Variants in ZNF710 observed in about 807,000 individuals in gnomAD.
The protein encoded by ZNF710 is zinc finger protein 710.
In ZNF710, 13 loss-of-function variants were observed where a neutral mutation model predicts 50.6. The ratio of observed to expected loss-of-function variants is 0.26; its 90% CI spans 0.17 to 0.41. The LOEUF (loss-of-function observed/expected upper bound fraction) is 0.41, where lower values mean the gene tolerates loss of function less well. Among genes scored for constraint, ZNF710 ranks in the 10% least tolerant of loss-of-function variants. ZNF710 has a pLI of 1.00. For missense variants in ZNF710, 721 were observed against 936.6 expected (o/e 0.77, Z 3.01); for synonymous variants, 383 against 397.0 (o/e 0.96, Z 0.42).
chr15:90,046,129 C>A (rs1899453567), intron 1 of ZNF710, among the ~76,000 whole-genome samples: 1 of 152,132 alleles, frequency 6.6e-6, no homozygotes, highest in African/African-American at 2.4e-5. Context: ...TGGGAGGGAG[C>A]CCTGAGATGT....
chr15:90,029,171 T>TG (rs1898860956), intron 1 of ZNF710, among the ~76,000 whole-genome samples: 1 of 152,198 alleles, frequency 6.6e-6, no homozygotes, highest in Non-Finnish European at 1.5e-5. Flanking sequence ...ATAATAAATG[T>TG]GGGTGTGGAA....
At position 90,034,491 on chromosome 15, in the gene ZNF710, T is replaced by C. The variant is rs1380204425; in HGVS notation, c.-28-32619T>C. On this transcript the variant is annotated intron_variant, in intron 1 of 4. Coordinates refer to ENST00000268154, the MANE Select transcript of ZNF710 (RefSeq NM_198526.4). The surrounding 1 kb of genome is among the most constrained non-coding windows in gnomAD (Gnocchi z 4.0). ...GTGTGTGTGTATTCTGTGCCTGTGG[T>C]GGTGGTGGCCATGGTGTCGGCAGCA... Among the ~76,000 whole-genome samples, 2 of 138,434 alleles carry C rather than the reference T, an allele frequency of 1.4e-5. No individual in the cohort carries two copies. The highest frequency in any genetic ancestry group is 3.1e-5 in the Non-Finnish European group (2 of 64,418). 90.8% of individuals were successfully genotyped at this position (138,434 alleles called of 152,430 possible).
At position 90,068,604 on chromosome 15, in the gene ZNF710, G is replaced by T. The variant is rs200756831; in HGVS notation, c.1458+9G>T. 1.9e-6 allele frequency: 3 copies of T among 1,573,432 alleles called. No individual in the cohort carries two copies. In the African/African-American group the frequency reaches 4.0e-5, roughly 21 times the overall value. On this transcript the variant is annotated intron_variant, in intron 2 of 4. Transcript: ENST00000268154. This position sits in a 1 kb window ranked among gnomAD's most constrained non-coding sequence, Gnocchi z 5.0. ...ACTCCCTCACCCACAAGGTAAGGCCGTTCCCAGGGCCTGGGCATCTGCCTG... is the reference window on the plus strand; with the variant it reads ...ACTCCCTCACCCACAAGGTAAGGCCTTTCCCAGGGCCTGGGCATCTGCCTG...
chr15:90,076,866 G>A (rs184811993), intron 4 of ZNF710, among the ~76,000 whole-genome samples: 48 of 152,008 alleles, frequency 3.2e-4, no homozygotes, highest in African/African-American at 1.0e-3. Context: ...CTTGTTCCTC[G>A]GGGTGGTTAA....
intron 1 of ZNF710, among the ~76,000 whole-genome samples, chr15:90,052,996 C>G (rs1248092055): frequency 1.3e-5 from 2 of 149,974 alleles, no homozygotes. Context: ...CAGCCTGTCC[C>G]TTGTGCCTGG....
Position 90,079,727 on chromosome 15 carries a change from C to A in ZNF710, c.1893C>A (p.Phe631Leu). The A allele has an allele frequency of 1.2e-6, 2 of 1,613,902 alleles. No homozygotes were observed. Among genetic ancestry groups the A allele is most frequent in the South Asian group, 2.2e-5 (2 of 91,054 alleles). Residue 631 changes from phenylalanine (F) to leucine (L), a missense_variant, in exon 5 of 5, where the codon TTC becomes TTA. Transcript: ENST00000268154. ...ACGGCCAGCAGGAGATGGAGGACTT[C>A]GAGGAGAACGCCTACAGCTATGCGA... Reference protein sequence around the residue: ...ELDGQQEMEDFEENAYSYASV... With the variant: ...ELDGQQEMEDLEENAYSYASV...
chr15:90,072,983 G>T, intron 2 of ZNF710, 88 bp from the exon 3 acceptor site: 1 of 1,392,698 alleles, frequency 7.2e-7, no homozygotes, highest in Admixed American at 2.0e-5. Context: ...TGATGCTATG[G>T]CCCTGCCCCT....
intron 1 of ZNF710, among the ~76,000 whole-genome samples, chr15:90,026,892 T>C (rs1277171212): frequency 6.6e-6 from 1 of 152,116 alleles, no homozygotes; most frequent in African/African-American, 2.4e-5. Flanking sequence ...ATAAAAAATA[T>C]TTCAAACCAA....
chr15:90,052,333 CCAT>C (rs949144909), intron 1 of ZNF710, among the ~76,000 whole-genome samples: 1 of 152,158 alleles, frequency 6.6e-6, no homozygotes, highest in African/African-American at 2.4e-5. Context: ...GGGGCCACAG[CCAT>C]CATCGGTTTG....
At chr15:90,028,562 G>T (rs1898843416) in intron 1 of ZNF710, among the ~76,000 whole-genome samples, 2 of 152,214 alleles carry the variant, frequency 1.3e-5, no homozygotes, top group South Asian at 4.1e-4. Flanking sequence ...AGGAAGTTGA[G>T]GTTCAGAGAG....
At chr15:90,064,899 G>A (rs187054367) in intron 1 of ZNF710, among the ~76,000 whole-genome samples, 62 of 152,176 alleles carry the variant, frequency 4.1e-4, no homozygotes, top group African/African-American at 1.3e-3. Context: ...TTTCATCCCC[G>A]TTTTTCAGAT....
upstream of ZNF710, among the ~76,000 whole-genome samples, chr15:90,001,173 T>C (rs544684701): frequency 2.7e-5 from 4 of 149,408 alleles, no homozygotes; most frequent in African/African-American, 7.4e-5. Context: ...AGTGGGAGAG[T>C]TGAACCGAAA....
At chr15:90,027,099 C>T (rs1898801760) in intron 1 of ZNF710, among the ~76,000 whole-genome samples, 1 of 152,140 alleles carries the variant, frequency 6.6e-6, no homozygotes, top group African/African-American at 2.4e-5. Flanking sequence ...ACAATTTACC[C>T]TCTGCCAAAT....
chr15:90,029,826 G>A (rs1049825830), intron 1 of ZNF710, among the ~76,000 whole-genome samples: 2 of 151,490 alleles, frequency 1.3e-5, no homozygotes, highest in African/African-American at 4.8e-5. Context: ...TGTTGGCCAG[G>A]CTGGTCTCAA....
rs1317307693 is a variant in ZNF710, at chr15:90,080,788, T to C, written c.*959T>C. ...CAGCAGCTTCCCGGAAAGAGCAACG[T>C]ATTTTAAAAAGGAAAGTAAAGCCCA... On this transcript the variant is annotated 3_prime_UTR_variant, in exon 5 of 5. Coordinates refer to ENST00000268154, the MANE Select transcript of ZNF710 (RefSeq NM_198526.4). The C allele has an allele frequency of 6.6e-6, 1 of 152,174 alleles. No homozygotes were observed. Among genetic ancestry groups the C allele is most frequent in the African/African-American group, 2.4e-5 (1 of 41,444 alleles). 9.4% of individuals were successfully genotyped at this position (152,174 alleles called of 1,614,324 possible). A position where few individuals can be genotyped will look rare whatever the true frequency, so the allele number is the denominator to read the frequency against.
chr15:89,999,650 A>G (rs72756597), upstream of ZNF710, among the ~76,000 whole-genome samples: 5 of 151,888 alleles, frequency 3.3e-5, no homozygotes, highest in Non-Finnish European at 7.4e-5. Context: ...TCAGAGCACC[A>G]GGAGCTGGTT....
At chr15:90,074,500 AC>A (rs1204774986) in intron 4 of ZNF710, 1 of 1,516,580 alleles carries the variant, frequency 6.6e-7, no homozygotes, top group Non-Finnish European at 8.8e-7. Context: ...AAATGAGATC[AC>A]GTAAACAATA....
intron 1 of ZNF710, among the ~76,000 whole-genome samples, chr15:90,051,084 C>G (rs545900092): frequency 4.0e-5 from 6 of 151,512 alleles, no homozygotes; most frequent in Non-Finnish European, 7.4e-5. Context: ...ACTAAAAATA[C>G]AAAAATTAGC....
At position 90,003,301 on chromosome 15, in the gene ZNF710, G is replaced by A. The variant is rs371518606; in HGVS notation, c.-29+1687G>A. Among the ~76,000 whole-genome samples the A allele has an allele frequency of 2.6e-5, 4 of 152,156 alleles. No individual in the cohort carries two copies. In the East Asian group the frequency reaches 5.8e-4, roughly 22 times the overall value. On this transcript the variant is annotated intron_variant, in intron 1 of 4. Coordinates refer to ENST00000268154, the MANE Select transcript of ZNF710 (RefSeq NM_198526.4). ...AGCACCTTTCTTGCTGTGCAAAATG[G>A]AAACTCCCGGCCGGTATCGACCTGC...
Sources: allele counts gnomAD v4.1 joint callset (sites outside exome capture counted in the v4.1 genomes callset), GRCh38; gene constraint gnomAD v4.1.1; non-coding constraint Gnocchi (gnomAD v3.1); transcripts MANE v1.5; gene names NCBI Gene and HGNC (gene_info 2026-07-23, HGNC 2026-07-21).